Variants in TMC6 observed in about 807,000 individuals in gnomAD.
The protein encoded by TMC6 is transmembrane channel-like protein 6.
A neutral mutation model predicts 95.4 loss-of-function variants in TMC6; 71 were observed. The observed-to-expected ratio is 0.74, with a 90% CI of 0.61 to 0.91. The LOEUF is 0.91. TMC6 is among the 40% of genes least tolerant of loss of function. The pLI is 0.00. For synonymous variants in TMC6, 514 were observed against 483.1 expected (o/e 1.06, Z -0.84); for missense variants, 1,074 against 1,079.1 (o/e 1.00, Z 0.07).
Position 78,128,243 on chromosome 17 carries a change from G to A in TMC6, c.-75+369C>T, listed in dbSNP as rs1005695538. ...GCTACCCAGGGAGAACCGCAACCTG[G>A]CCCCAGAGCCCAGAGCGGCTGCAAC... is the stretch of plus-strand genomic sequence containing the variant. On this transcript the variant is annotated intron_variant, in intron 1 of 19. Transcript: ENST00000590602. This position sits in a 1 kb window ranked among gnomAD's most constrained non-coding sequence, Gnocchi z 4.0. Among the ~76,000 whole-genome samples, 12 of 152,198 alleles carry A rather than the reference G, an allele frequency of 7.9e-5. No homozygotes were observed. Among genetic ancestry groups the A allele is most frequent in the Admixed American group, 6.5e-4 (10 of 15,300 alleles).
chr17:78,124,416 G>T, intron 8 of TMC6, 108 bp downstream of exon 8: 1 of 1,546,992 alleles, frequency 6.5e-7, no homozygotes, highest in African/African-American at 1.3e-5. Context: ...TGGAGTCACA[G>T]CGGGGCAAGG....
At chr17:78,118,125 T>C in intron 15 of TMC6, 190 bp from the exon 16 acceptor site, 1 of 961,584 alleles carries the variant, frequency 1.0e-6, no homozygotes, top group South Asian at 1.7e-5. Flanking sequence ...AAACGGGTGA[T>C]GCCAACAGCA....
intron 18 of TMC6, 124 bp downstream of exon 18, chr17:78,117,145 T>G: frequency 9.9e-7 from 1 of 1,014,008 alleles, no homozygotes; most frequent in South Asian, 1.4e-5. Context: ...GGGTCACTTG[T>G]TTGGCAAACA....
In TMC6 at chr17:78,120,678, T is replaced by C. The variant is rs1327412401; in HGVS notation, c.1690A>G (p.Thr564Ala). 2.5e-5 allele frequency: 41 copies of C among 1,613,960 alleles called. No homozygotes were observed. The highest frequency in any genetic ancestry group is 3.5e-5 in the Non-Finnish European group (41 of 1,180,004). The part of the protein sequence containing the change: ...VMDFVLMLLD[T>A]LFGELVWRII... ...CTCCACACCAGTTCCCCAAAAAGCGTGTCCAGCAACATGAGGACGAAGTCC... is the reference window on the plus strand; with the variant it reads ...CTCCACACCAGTTCCCCAAAAAGCGCGTCCAGCAACATGAGGACGAAGTCC... Residue 564 changes from threonine to alanine, a missense_variant, in exon 13 of 20, where the codon ACG becomes GCG. Physicochemically the swap from Thr to Ala is moderately conservative, Grantham distance 58 (BLOSUM62 0). Transcript: ENST00000590602.
chr17:78,125,740 G>T lies in TMC6; in HGVS notation c.416C>A (p.Ala139Asp). 1 of 1,567,652 alleles carries T rather than the reference G, an allele frequency of 6.4e-7. No individual in the cohort carries two copies. Residue 139 changes from alanine (A) to aspartate (D), a missense_variant, in exon 5 of 20, where the codon GCC becomes GAC. By Grantham distance (126) the Ala-to-Asp change is moderately radical (BLOSUM62 -2). Transcript: ENST00000590602. ...RLYDLELDPT[A>D]LEEEEKQSLL... Reference sequence around the variant, plus strand: ...CACTCACTCACCCTCCTCCTCCAGGGCCGTGGGGTCCAGCTCCAGGTCGTA... The same window carrying T: ...CACTCACTCACCCTCCTCCTCCAGGTCCGTGGGGTCCAGCTCCAGGTCGTA...
rs550271391 is a variant in TMC6, at chr17:78,121,873, G to A, written c.1228-162C>T. 7.4e-4 allele frequency among the ~76,000 whole-genome samples: 113 copies of A among 152,278 alleles called. No homozygotes were observed. The highest frequency in any genetic ancestry group is 1.3e-3 in the Non-Finnish European group (87 of 68,000). On this transcript the variant is annotated intron_variant, in intron 10 of 19. Transcript: ENST00000590602. This position sits in a 1 kb window ranked among gnomAD's most constrained non-coding sequence, Gnocchi z 5.6. ...CCCCACCTGCCCTTTCATCTGCTGA[G>A]GGCCCTCCCTCCAGGCGCAGAGAGG...
chr17:78,126,417 A>G (rs779141925), intron 3 of TMC6, 51 bp from the exon 4 acceptor site: 1 of 1,604,472 alleles, frequency 6.2e-7, no homozygotes, highest in African/African-American at 1.3e-5. Context: ...CATTGGCCAC[A>G]GTATCTCCCA....
rs753900274 is a variant in TMC6, at chr17:78,125,633, C to A, written c.430+93G>T. On this transcript the variant is annotated intron_variant, in intron 5 of 19. Transcript: ENST00000590602. ...GATAGGAGAGGGGCCTCTGGCTCTG[C>A]AGCACCCCAGCCACCGCCCAGGCCA... 2.7e-4 allele frequency: 405 copies of A among 1,512,374 alleles called. 2 individuals carry two copies. The highest frequency in any genetic ancestry group is 3.3e-4 in the Non-Finnish European group (376 of 1,127,784). 93.7% of individuals were successfully genotyped at this position (1,512,374 alleles called of 1,614,324 possible). A position where few individuals can be genotyped will look rare whatever the true frequency, so the allele number is the denominator to read the frequency against.
chr17:78,118,135 A>C (rs1487713966), intron 15 of TMC6, 200 bp from the exon 16 acceptor site: 2 of 858,746 alleles, frequency 2.3e-6, no homozygotes, highest in East Asian at 5.3e-5. Flanking sequence ...TGCCAACAGC[A>C]CCTCCATCTG....
intron 18 of TMC6, among the ~76,000 whole-genome samples, chr17:78,114,253 C>G (rs2073940732): frequency 6.6e-6 from 1 of 152,258 alleles, no homozygotes; most frequent in Non-Finnish European, 1.5e-5. Context: ...CTGCTCAAGT[C>G]CTGCTCACGT....
At chr17:78,132,354 T>C, upstream of TMC6, 7 of 1,611,242 alleles carry the variant, frequency 4.3e-6, no homozygotes, top group African/African-American at 1.3e-5. Flanking sequence ...GCTCTCCCAC[T>C]GCAGGCCTCT....
chr17:78,126,557 G>T lies in TMC6; in HGVS notation c.148C>A (p.Leu50Met). Residue 50 changes from leucine (L) to methionine (M), a missense_variant, in exon 3 of 20, where the codon CTG becomes ATG. Leu to Met is a conservative substitution (Grantham distance 15). Coordinates refer to ENST00000590602, the MANE Select transcript of TMC6 (RefSeq NM_001127198.5). ...EQSQCTAQEG[L>M]ELQQREREVT... ...TCCCGCTCTCTCTGCTGCAGCTCCAGCCCCTCCTGGGCCGTGCACTGGCTC... is the reference window on the plus strand; with the variant it reads ...TCCCGCTCTCTCTGCTGCAGCTCCATCCCCTCCTGGGCCGTGCACTGGCTC... 1.2e-6 allele frequency: 2 copies of T among 1,613,708 alleles called. No homozygotes were observed. The highest frequency in any genetic ancestry group is 1.1e-5 in the South Asian group (1 of 91,086).
intron 18 of TMC6, chr17:78,113,841 G>A (rs2073918572): frequency 3.5e-6 from 2 of 579,692 alleles, no homozygotes; most frequent in Admixed American, 5.5e-5. Flanking sequence ...CTTCCTAGTG[G>A]CCAAAGTGAA....
rs1000348982 is a variant in TMC6, at chr17:78,128,182, C to T, written c.-75+430G>A. On this transcript the variant is annotated intron_variant, in intron 1 of 19. Transcript: ENST00000590602. This position sits in a 1 kb window ranked among gnomAD's most constrained non-coding sequence, Gnocchi z 4.0. ...GGGTGGCGCCCGTTTCCAGGAACCC[C>T]CACCCCAGCCGGCAGCGAGCTTCCC... 6.6e-6 allele frequency among the ~76,000 whole-genome samples: 1 copy of T among 152,178 alleles called. No individual in the cohort carries two copies. The highest frequency in any genetic ancestry group is 1.5e-5 in the Non-Finnish European group (1 of 68,030).
upstream of TMC6, among the ~76,000 whole-genome samples, chr17:78,129,573 G>A (rs1466269176): frequency 6.6e-6 from 1 of 152,170 alleles, no homozygotes; most frequent in African/African-American, 2.4e-5. This position sits in a 1 kb window ranked among gnomAD's most constrained non-coding sequence, Gnocchi z 4.3. Flanking sequence ...GAAGCAGGCA[G>A]GGTGAATGTG....
At chr17:78,116,628 A>G (rs555070028) in intron 18 of TMC6, among the ~76,000 whole-genome samples, 1 of 152,050 alleles carries the variant, frequency 6.6e-6, no homozygotes, top group African/African-American at 2.4e-5. Context: ...GCTCATGCCT[A>G]TAATCCTAGC....
In TMC6 at chr17:78,125,688, G is replaced by A. The variant is rs370029638; in HGVS notation, c.430+38C>T. 82 of 1,551,236 alleles carry A rather than the reference G, an allele frequency of 5.3e-5. 4 individuals are homozygous for A. The highest frequency in any genetic ancestry group is 3.0e-4 in the African/African-American group (22 of 73,172). ...GGCCTCTTGCACCCCACCCCAGGCC[G>A]GTGTCCGCCACTGGGGCTCCAGTGC... On this transcript the variant is annotated intron_variant, in intron 5 of 19. Coordinates refer to ENST00000590602, the MANE Select transcript of TMC6 (RefSeq NM_001127198.5).
At position 78,122,878 on chromosome 17, in the gene TMC6, G is replaced by T. The variant is rs1357639933; in HGVS notation, c.1083-129C>A. 8.1e-6 allele frequency: 11 copies of T among 1,351,818 alleles called. No homozygotes were observed. In the Admixed American group the frequency reaches 2.2e-4, roughly 27 times the overall value. The allele number at this position is 1,351,818 out of a possible 1,614,324, so 83.7% of individuals were successfully genotyped here. A position where few individuals can be genotyped will look rare whatever the true frequency, so the allele number is the denominator to read the frequency against. ...CTCAGGAGCCATCTGGGCCCTGACT[G>T]GGCCTCCTGCCACACCCCTGCCCCA... On this transcript the variant is annotated intron_variant, in intron 9 of 19. Transcript: ENST00000590602. This position sits in a 1 kb window ranked among gnomAD's most constrained non-coding sequence, Gnocchi z 4.9.
At chr17:78,114,705 C>G (rs1014297717) in intron 18 of TMC6, among the ~76,000 whole-genome samples, 1 of 152,078 alleles carries the variant, frequency 6.6e-6, no homozygotes, top group Non-Finnish European at 1.5e-5. Context: ...AGAATACCTT[C>G]AAGGAGAGAC....
Sources: gnomAD v4.1 joint callset for allele counts (sites outside exome capture counted in the v4.1 genomes callset) on GRCh38, gnomAD v4.1.1 for gene constraint, Gnocchi (gnomAD v3.1) non-coding constraint, MANE v1.5 for transcripts, NCBI Gene and HGNC (gene_info 2026-07-23, HGNC 2026-07-21) for gene names.